Variants in GLP2R observed in about 807,000 individuals in gnomAD.
The protein encoded by GLP2R is glucagon-like peptide 2 receptor.
GLP2R carries 59 observed loss-of-function variants against 68.2 expected under a neutral mutation model. That is an observed-to-expected ratio of 0.87 (90% CI 0.70 to 1.07). The LOEUF (loss-of-function observed/expected upper bound fraction) is 1.07, where lower values mean the gene tolerates loss of function less well. Among genes scored for constraint, GLP2R ranks in the 50% least tolerant of loss-of-function variants. The pLI is 0.00. For missense variants in GLP2R, 548 were observed against 677.4 expected, an observed-to-expected ratio of 0.81 and a Z score of 2.12; for synonymous variants, 270 against 265.4, an observed-to-expected ratio of 1.02 and a Z score of -0.17.
In GLP2R at chr17:9,889,735, C is replaced by G. The variant is rs199866726; in HGVS notation, c.*30C>G. The G allele has an allele frequency of 1.7e-5, 24 of 1,407,884 alleles. No individual in the cohort carries two copies. The African/African-American group carries it at 3.2e-4, about 19-fold the overall frequency. 87.2% of individuals were successfully genotyped at this position (1,407,884 alleles called of 1,614,324 possible). On this transcript the variant is annotated 3_prime_UTR_variant, in exon 13 of 13. Coordinates refer to ENST00000262441, the MANE Select transcript of GLP2R (RefSeq NM_004246.3). ...GAGTTCCACCACCCTGGCTCTGCTC[C>G]CAGGGACTCTTGAGGGGGCCCAGGA...
chr17:9,859,819 CAAAAAAAAAAAA>C (rs10567375), intron 6 of GLP2R, 111 bp from the exon 7 acceptor site: 25 of 143,896 alleles, frequency 1.7e-4, no homozygotes, highest in African/African-American at 1.0e-3. Flanking sequence ...GATTCTGTCT[CAAAAAAAAAAAA>C]AAAAAAAAAA....
chr17:9,846,304 G>A (rs544607620), intron 4 of GLP2R, among the ~76,000 whole-genome samples: 10 of 152,268 alleles, frequency 6.6e-5, no homozygotes, highest in South Asian at 4.1e-4. Flanking sequence ...GATATGGGGC[G>A]ATACCACATA....
At chr17:9,871,574 C>T (rs2067093193) in intron 10 of GLP2R, among the ~76,000 whole-genome samples, 1 of 152,136 alleles carries the variant, frequency 6.6e-6, no homozygotes, top group South Asian at 2.1e-4. Context: ...ATCTCACCTT[C>T]CTCTTTCTGA....
chr17:9,864,241 T>C (rs543643924), intron 9 of GLP2R, among the ~76,000 whole-genome samples: 1 of 152,232 alleles, frequency 6.6e-6, no homozygotes, highest in Non-Finnish European at 1.5e-5. Context: ...AGCACCAGCA[T>C]CGCCTGAGCG....
intron 1 of GLP2R, among the ~76,000 whole-genome samples, chr17:9,832,191 A>G (rs907992593): frequency 1.3e-5 from 2 of 152,162 alleles, no homozygotes; most frequent in Non-Finnish European, 2.9e-5. Context: ...TAATCCTAGC[A>G]CTTTGAGAGG....
At chr17:9,866,998 AAAT>A (rs2067044487) in intron 9 of GLP2R, 1 of 152,242 alleles carries the variant, frequency 6.6e-6, no homozygotes, top group Non-Finnish European at 1.5e-5. Flanking sequence ...GTTAAGAAAA[AAAT>A]AATAATTCTT....
chr17:9,866,093 A>G, intron 9 of GLP2R: 1 of 342,806 alleles, frequency 2.9e-6, no homozygotes, highest in Non-Finnish European at 5.7e-6. Flanking sequence ...AGTGGAATTT[A>G]TGTGTCCCAC....
intron 10 of GLP2R, among the ~76,000 whole-genome samples, chr17:9,873,579 T>TTA (rs1555573361): frequency 2.1e-5 from 3 of 141,640 alleles, no homozygotes; most frequent in African/African-American, 8.0e-5. Context: ...TTTTTTTTTT[T>TTA]AGCTCATCAG....
Position 9,890,103 on chromosome 17 carries a change from C to A in GLP2R, c.*398C>A. The A allele has an allele frequency of 2.2e-6, 1 of 456,740 alleles. No individual in the cohort carries two copies. Among genetic ancestry groups the A allele is most frequent in the Non-Finnish European group, 4.4e-6 (1 of 227,654 alleles). The allele number at this position is 456,740 out of a possible 1,614,324, so 28.3% of individuals were successfully genotyped here. A position where few individuals can be genotyped will look rare whatever the true frequency, so the allele number is the denominator to read the frequency against. On this transcript the variant is annotated 3_prime_UTR_variant, in exon 13 of 13. Coordinates refer to ENST00000262441, the MANE Select transcript of GLP2R (RefSeq NM_004246.3). Reference sequence around the variant, plus strand: ...AGGTTGGGTTTAGGGTGCGTGAAAACCTCCTAGGAAGCTTTTAAAATGCAG... The same window carrying A: ...AGGTTGGGTTTAGGGTGCGTGAAAAACTCCTAGGAAGCTTTTAAAATGCAG...
rs1285356982 is a variant in GLP2R at position 9,880,534 on chromosome 17, C to G, written c.1284+18C>G. 1.3e-6 allele frequency: 2 copies of G among 1,556,984 alleles called. No individual in the cohort carries two copies. The stretch of plus-strand genomic sequence containing the variant: ...CCTTTCATGTAAGTAGAAATCTGAA[C>G]CAAAATGCCTTGACTTTGGAGAAAA... On this transcript the variant is annotated intron_variant, in intron 11 of 12. Transcript: ENST00000262441.
intron 4 of GLP2R, among the ~76,000 whole-genome samples, chr17:9,849,747 G>A (rs1050686683): frequency 1.3e-5 from 2 of 151,436 alleles, no homozygotes; most frequent in Admixed American, 6.6e-5. Context: ...CGAGTAGCTG[G>A]GACTACAGGC....
At chr17:9,868,421 G>T (rs771818939) in intron 9 of GLP2R, among the ~76,000 whole-genome samples, 12 of 152,186 alleles carry the variant, frequency 7.9e-5, no homozygotes, top group Non-Finnish European at 1.6e-4. Flanking sequence ...TAACAAGAAA[G>T]TGTCACCAAG....
intron 11 of GLP2R, among the ~76,000 whole-genome samples, chr17:9,883,107 A>G (rs2067212088): frequency 6.6e-6 from 1 of 152,214 alleles, no homozygotes; most frequent in African/African-American, 2.4e-5. Flanking sequence ...AGAGATTTAA[A>G]GAAAAAGTTG....
intron 1 of GLP2R, among the ~76,000 whole-genome samples, chr17:9,829,104 A>T (rs1417317585): frequency 2.6e-5 from 4 of 152,204 alleles, no homozygotes; most frequent in Non-Finnish European, 1.5e-5. Context: ...GTCTTCAAAA[A>T]TTTCACTTAA....
Position 9,889,615 on chromosome 17 carries a change from G to T in GLP2R, c.1572G>T (p.Trp524Cys). 1 of 1,613,700 alleles carries T rather than the reference G, an allele frequency of 6.2e-7. No individual in the cohort carries two copies. Among genetic ancestry groups the T allele is most frequent in the South Asian group, 1.1e-5 (1 of 91,064 alleles). ...AGCCCCAACAGGACCATGCACGCTG[G>T]CCCCGGGGCAGCAGCCTGTCCGAGT... is the stretch of plus-strand genomic sequence containing the variant. ...GAQPQQDHAR[W>C]PRGSSLSECS... The change falls in exon 13 of 13, where the codon TGG (tryptophan) becomes TGT (cysteine). Residue 524 changes from tryptophan to cysteine, a missense_variant. Physicochemically the swap from Trp to Cys is radical, Grantham distance 215. Coordinates refer to ENST00000262441, the MANE Select transcript of GLP2R (RefSeq NM_004246.3).
intron 1 of GLP2R, among the ~76,000 whole-genome samples, chr17:9,826,520 C>A (rs2066632446): frequency 6.6e-6 from 1 of 152,084 alleles, no homozygotes; most frequent in Non-Finnish European, 1.5e-5. Flanking sequence ...CCCCAACCAG[C>A]CCCGCATCAT....
rs1485916628 is a variant in GLP2R at position 9,889,866 on chromosome 17, A to G, written c.*161A>G. On this transcript the variant is annotated 3_prime_UTR_variant, in exon 13 of 13. Transcript: ENST00000262441. ...TATCACAAGGTTCTTCAAGCTCTGT[A>G]TGAAAGAGGCTGTGTGTCATGCTCA... is the stretch of plus-strand genomic sequence containing the variant. The G allele has an allele frequency of 2.5e-5, 16 of 633,054 alleles. No homozygotes were observed. Among genetic ancestry groups the G allele is most frequent in the East Asian group, 5.5e-5 (2 of 36,194 alleles). The allele number at this position is 633,054 out of a possible 1,614,324, so 39.2% of individuals were successfully genotyped here. A position where few individuals can be genotyped will look rare whatever the true frequency, so the allele number is the denominator to read the frequency against.
At chr17:9,889,256 A>G (rs188594547) in intron 12 of GLP2R, 114 bp from the exon 13 acceptor site, 1,189 of 657,612 alleles carry the variant, frequency 1.8e-3, no homozygotes, top group Non-Finnish European at 2.8e-3. Flanking sequence ...TCCCCCAGTT[A>G]AAAGGTAAAT....
At chr17:9,835,197 T>G (rs1567717873) in intron 2 of GLP2R, among the ~76,000 whole-genome samples, 2 of 151,864 alleles carry the variant, frequency 1.3e-5, no homozygotes, top group African/African-American at 4.8e-5. Flanking sequence ...CCCAGCTAAT[T>G]TTTGTATTTT....
Sources: allele counts gnomAD v4.1 joint callset (sites outside exome capture counted in the v4.1 genomes callset), GRCh38; gene constraint gnomAD v4.1.1; transcripts MANE v1.5; gene names NCBI Gene and HGNC (gene_info 2026-07-23, HGNC 2026-07-21).